FAT3: variants seen among roughly 807,000 people sequenced by gnomAD.
FAT3 encodes the protein FAT atypical cadherin 3.
FAT3 carries 95 observed loss-of-function variants against 310.2 expected under a neutral mutation model. The observed-to-expected ratio is 0.31, with a 90% CI of 0.26 to 0.36. The LOEUF (loss-of-function observed/expected upper bound fraction) is 0.36, where lower values mean the gene tolerates loss of function less well. FAT3 is among the 10% of genes least tolerant of loss of function. The pLI, the probability that FAT3 is intolerant of heterozygous loss-of-function variation, is 1.00. For synonymous variants in FAT3, 2,314 were observed against 2,192.9 expected, an observed-to-expected ratio of 1.06 and a Z score of -1.54; for missense variants, 5,408 against 5,715.6, an observed-to-expected ratio of 0.95 and a Z score of 1.74.
At chr11:92,423,499 A>T (rs142883014) in intron 2 of FAT3, among the ~76,000 whole-genome samples, 84 of 152,238 alleles carry the variant, frequency 5.5e-4, no homozygotes, top group African/African-American at 1.8e-3. Context: ...ATCATCCACG[A>T]TGTGTTTCTG....
chr11:92,414,866 C>T (rs7937994), intron 2 of FAT3, among the ~76,000 whole-genome samples: 11,556 of 151,994 alleles, frequency 0.076, 637 homozygotes, highest in African/African-American at 0.15. Context: ...AAAAGTTAGC[C>T]GGGCTTGGTG....
chr11:92,331,244 T>C (rs928720555), intron 1 of FAT3, among the ~76,000 whole-genome samples: 3 of 152,084 alleles, frequency 2.0e-5, no homozygotes, highest in Admixed American at 6.6e-5. Context: ...TGTGGTTGAA[T>C]AGATAATGAA....
At position 92,479,167 on chromosome 11, in the gene FAT3, A is replaced by ATT. The variant is rs753439156; in HGVS notation, c.3293-45454_3293-45453dup. ...CAGGTGTGTATCACCACGGCCAGCT[A>ATT]TTTTTTTTTTTTTTGTATTTTTTTG... On this transcript the variant is annotated intron_variant, in intron 2 of 27. Transcript: ENST00000525166. Among the ~76,000 whole-genome samples the ATT allele has an allele frequency of 1.1e-3, 137 of 128,270 alleles. 1 individual carries two copies. Among genetic ancestry groups the ATT allele is most frequent in the African/African-American group, 3.4e-3 (117 of 34,470 alleles). 84.2% of individuals were successfully genotyped at this position (128,270 alleles called of 152,430 possible).
At chr11:92,699,580 A>AAAAATTC (rs1485326664) in intron 4 of FAT3, among the ~76,000 whole-genome samples, 7 of 152,332 alleles carry the variant, frequency 4.6e-5, no homozygotes, top group African/African-American at 1.7e-4. Flanking sequence ...TCCCTAATTC[A>AAAAATTC]AAAATTCAAA....
At chr11:92,732,384 C>T (rs950890089) in intron 4 of FAT3, among the ~76,000 whole-genome samples, 7 of 152,140 alleles carry the variant, frequency 4.6e-5, no homozygotes, top group African/African-American at 1.2e-4. Flanking sequence ...CCACTACTCA[C>T]TCACTCACCT....
chr11:92,879,408 G>A (rs1403443604), intron 22 of FAT3, among the ~76,000 whole-genome samples: 1 of 152,182 alleles, frequency 6.6e-6, no homozygotes, highest in Admixed American at 6.5e-5. Flanking sequence ...TAATTCAGGG[G>A]ATGAAAATAC....
chr11:92,629,998 G>T (rs1464917110), intron 3 of FAT3, among the ~76,000 whole-genome samples: 1 of 152,116 alleles, frequency 6.6e-6, no homozygotes, highest in Non-Finnish European at 1.5e-5. Context: ...GGTGATTCTG[G>T]TGTGCGCTCA....
At chr11:92,727,297 C>T (rs552852875) in intron 4 of FAT3, among the ~76,000 whole-genome samples, 1 of 152,096 alleles carries the variant, frequency 6.6e-6, no homozygotes, top group South Asian at 2.1e-4. Context: ...ATATCAAGTG[C>T]CAAGAGTCAC....
intron 4 of FAT3, among the ~76,000 whole-genome samples, chr11:92,755,816 G>A (rs1157383029): frequency 6.6e-6 from 1 of 152,142 alleles, no homozygotes; most frequent in Non-Finnish European, 1.5e-5. Flanking sequence ...AGAGGATTTA[G>A]GTCATGGGGG....
At chr11:92,726,878 G>A (rs1945017658) in intron 4 of FAT3, among the ~76,000 whole-genome samples, 1 of 151,770 alleles carries the variant, frequency 6.6e-6, no homozygotes, top group Non-Finnish European at 1.5e-5. Context: ...ATAAGCAATG[G>A]AAAGGAAATA....
At chr11:92,812,073 C>A (rs781295382) in intron 13 of FAT3, among the ~76,000 whole-genome samples, 2 of 152,186 alleles carry the variant, frequency 1.3e-5, no homozygotes, top group Non-Finnish European at 2.9e-5. Context: ...TGAATGCTGA[C>A]ATTCTTCAGA....
intron 1 of FAT3, among the ~76,000 whole-genome samples, chr11:92,283,292 G>A (rs549730223): frequency 6.6e-6 from 1 of 152,244 alleles, no homozygotes; most frequent in African/African-American, 2.4e-5. Context: ...GAGGCATTCA[G>A]GTTTTTTACT....
intron 3 of FAT3, among the ~76,000 whole-genome samples, chr11:92,534,803 A>G (rs569417295): frequency 1.5e-4 from 23 of 152,342 alleles, no homozygotes; most frequent in African/African-American, 5.5e-4. Flanking sequence ...AACAAGAGAA[A>G]AACATACAAA....
At chr11:92,818,181 T>A (rs1366492198) in intron 13 of FAT3, among the ~76,000 whole-genome samples, 1 of 152,322 alleles carries the variant, frequency 6.6e-6, no homozygotes, top group African/African-American at 2.4e-5. Context: ...AGCCTTCTGA[T>A]TTCCCGAAGG....
intron 1 of FAT3, among the ~76,000 whole-genome samples, chr11:92,343,508 C>G (rs765215840): frequency 2.0e-5 from 3 of 152,072 alleles, no homozygotes; most frequent in Non-Finnish European, 2.9e-5. Flanking sequence ...ACTTGGCTGA[C>G]TACTTTTGGC....
At chr11:92,485,574 C>G (rs971818847) in intron 2 of FAT3, among the ~76,000 whole-genome samples, 8 of 152,152 alleles carry the variant, frequency 5.3e-5, no homozygotes, top group Non-Finnish European at 1.2e-4. Flanking sequence ...GCCTAAATAC[C>G]AAGTTAGTGT....
intron 2 of FAT3, chr11:92,408,319 T>A (rs558849225): frequency 1.3e-5 from 2 of 152,322 alleles, no homozygotes; most frequent in African/African-American, 2.4e-5. Context: ...AAAGTGGGGT[T>A]AGGGCTTCAA....
intron 2 of FAT3, among the ~76,000 whole-genome samples, chr11:92,474,293 A>T (rs1317953678): frequency 1.3e-5 from 2 of 152,210 alleles, no homozygotes; most frequent in African/African-American, 4.8e-5. Context: ...GAAATTTATT[A>T]CCAGGAGTAT....
chr11:92,336,649 T>TA (rs1400776005), intron 1 of FAT3, among the ~76,000 whole-genome samples: 1 of 152,220 alleles, frequency 6.6e-6, no homozygotes, highest in African/African-American at 2.4e-5. Flanking sequence ...GAGAGATCAA[T>TA]ATTATGATGG....
Sources: gnomAD v4.1 joint callset for allele counts (sites outside exome capture counted in the v4.1 genomes callset) on GRCh38, gnomAD v4.1.1 for gene constraint, MANE v1.5 for transcripts, NCBI Gene and HGNC (gene_info 2026-07-23, HGNC 2026-07-21) for gene names.